The following AGBL4 variants were observed in gnomAD, a reference collection of about 807,000 sequenced individuals.
The protein encoded by AGBL4 is AGBL carboxypeptidase 4, also known as cytosolic carboxypeptidase 6.
In AGBL4, 58 loss-of-function variants were observed where a neutral mutation model predicts 66.4. The ratio of observed to expected loss-of-function variants is 0.87; its 90% CI spans 0.71 to 1.09. The LOEUF is 1.09. Among genes scored for constraint, AGBL4 ranks in the 50% least tolerant of loss-of-function variants. The pLI is 0.00. For synonymous variants in AGBL4, 234 were observed against 222.9 expected, an observed-to-expected ratio of 1.05 and a Z score of -0.44; for missense variants, 579 against 631.0, an observed-to-expected ratio of 0.92 and a Z score of 0.88.
At chr1:49,886,126 T>C (rs1648010771) in intron 1 of AGBL4, among the ~76,000 whole-genome samples, 1 of 152,182 alleles carries the variant, frequency 6.6e-6, no homozygotes, top group South Asian at 2.1e-4. Flanking sequence ...CACCTTTTTC[T>C]ATTTTGTATT....
intron 1 of AGBL4, among the ~76,000 whole-genome samples, chr1:49,877,054 T>G (rs535754112): frequency 6.6e-6 from 1 of 151,762 alleles, no homozygotes; most frequent in Non-Finnish European, 1.5e-5. Flanking sequence ...TAAGGAGATT[T>G]TGGGCTGAGA....
chr1:49,018,645 C>A (rs914904774), intron 5 of AGBL4, among the ~76,000 whole-genome samples: 1 of 152,158 alleles, frequency 6.6e-6, no homozygotes, highest in Non-Finnish European at 1.5e-5. Flanking sequence ...TCCTTATAAT[C>A]CCCTTCTTTA....
chr1:48,595,178 G>A (rs1029740086), intron 9 of AGBL4, among the ~76,000 whole-genome samples: 2 of 152,070 alleles, frequency 1.3e-5, no homozygotes, highest in African/African-American at 2.4e-5. Flanking sequence ...ATAATTCAAG[G>A]TACAGATCTC....
intron 3 of AGBL4, among the ~76,000 whole-genome samples, chr1:49,375,101 T>C (rs757740150): frequency 2.6e-5 from 4 of 152,180 alleles, no homozygotes; most frequent in Non-Finnish European, 5.9e-5. Context: ...GCATAGGCTA[T>C]TTCCATGGCC....
intron 6 of AGBL4, among the ~76,000 whole-genome samples, chr1:48,818,813 G>A (rs1646246523): frequency 6.6e-6 from 1 of 152,116 alleles, no homozygotes; most frequent in African/African-American, 2.4e-5. Context: ...AACGGTGATA[G>A]TTTTTGAGCA....
intron 6 of AGBL4, among the ~76,000 whole-genome samples, chr1:48,846,313 C>T (rs12133001): frequency 1.4e-4 from 18 of 129,284 alleles, no homozygotes; most frequent in African/African-American, 5.9e-4. Flanking sequence ...GATAGATAGA[C>T]AGATAGATAG....
At chr1:49,885,072 A>G (rs1292051998) in intron 1 of AGBL4, among the ~76,000 whole-genome samples, 1 of 151,976 alleles carries the variant, frequency 6.6e-6, no homozygotes, top group Admixed American at 6.6e-5. Flanking sequence ...AGCAGTTCAT[A>G]TTGGTCAAAG....
At chr1:49,440,406 C>A (rs1646000980) in intron 3 of AGBL4, among the ~76,000 whole-genome samples, 1 of 152,038 alleles carries the variant, frequency 6.6e-6, no homozygotes, top group African/African-American at 2.4e-5. Context: ...CACTGATAGT[C>A]CTTGGCGTGA....
chr1:49,243,034 T>C (rs978955116), intron 4 of AGBL4, among the ~76,000 whole-genome samples: 15 of 150,178 alleles, frequency 1.0e-4, no homozygotes, highest in Non-Finnish European at 1.6e-4. Context: ...TATATATATA[T>C]ACACACACAT....
intron 8 of AGBL4, among the ~76,000 whole-genome samples, chr1:48,640,671 G>A (rs1645740392): frequency 6.6e-6 from 1 of 152,166 alleles, no homozygotes; most frequent in African/African-American, 2.4e-5. Context: ...AGGTCTTGTT[G>A]ATGGCAGGAT....
At chr1:49,060,248 TTA>T (rs1644379373) in intron 4 of AGBL4, among the ~76,000 whole-genome samples, 1 of 152,130 alleles carries the variant, frequency 6.6e-6, no homozygotes, top group South Asian at 2.1e-4. Context: ...AGTGATGGTC[TTA>T]TAAGGCACTT....
rs182455338 is a variant in AGBL4 at position 48,807,407 on chromosome 1, A to C, written c.634+59784T>G. ...GGCTGAGGTGATGCAAATTAAGAAG[A>C]ACAAAACTCCCACAAGGCTCAGGGA... On this transcript the variant is annotated intron_variant, in intron 6 of 13. Coordinates refer to ENST00000371839, the MANE Select transcript of AGBL4 (RefSeq NM_032785.4). Among the ~76,000 whole-genome samples the C allele has an allele frequency of 1.3e-4, 20 of 152,374 alleles. 1 individual carries two copies. The East Asian group carries it at 2.5e-3, about 19-fold the overall frequency.
intron 5 of AGBL4, among the ~76,000 whole-genome samples, chr1:48,868,556 T>C (rs1382815008): frequency 2.0e-5 from 3 of 152,162 alleles, no homozygotes; most frequent in African/African-American, 4.8e-5. Context: ...GTCCAAAATA[T>C]GGCAATGAAT....
At chr1:49,813,458 C>A (rs1300734952) in intron 2 of AGBL4, among the ~76,000 whole-genome samples, 1 of 152,102 alleles carries the variant, frequency 6.6e-6, no homozygotes, top group African/African-American at 2.4e-5. Context: ...CCTCTATTCT[C>A]AGCCCTCGTC....
chr1:48,929,982 T>G (rs1324369251), intron 5 of AGBL4, among the ~76,000 whole-genome samples: 1 of 152,144 alleles, frequency 6.6e-6, no homozygotes, highest in African/African-American at 2.4e-5. Flanking sequence ...GCAGGACTTG[T>G]CTCCTGCCAA....
chr1:49,683,810 T>C (rs1412090267), intron 3 of AGBL4, among the ~76,000 whole-genome samples: 1 of 152,172 alleles, frequency 6.6e-6, no homozygotes, highest in Non-Finnish European at 1.5e-5. Flanking sequence ...CAGCAAATGG[T>C]ACAATAAGTT....
chr1:49,665,287 T>C (rs931560466), intron 3 of AGBL4, among the ~76,000 whole-genome samples: 1 of 151,742 alleles, frequency 6.6e-6, no homozygotes, highest in Admixed American at 6.6e-5. Flanking sequence ...AAATGGCCTG[T>C]TTTTTTTGTT....
At chr1:49,176,297 A>G (rs535762092) in intron 4 of AGBL4, among the ~76,000 whole-genome samples, 10 of 152,298 alleles carry the variant, frequency 6.6e-5, no homozygotes, top group African/African-American at 2.4e-4. Context: ...TAAGGTAGGT[A>G]AAAAGAAGTG....
intron 1 of AGBL4, among the ~76,000 whole-genome samples, chr1:49,963,528 C>T (rs1402926386): frequency 1.3e-5 from 2 of 152,160 alleles, no homozygotes; most frequent in Non-Finnish European, 2.9e-5. Flanking sequence ...ATTAATTCAG[C>T]TTTGGTTTCA....
Sources: gnomAD v4.1 joint callset for allele counts (sites outside exome capture counted in the v4.1 genomes callset) on GRCh38, gnomAD v4.1.1 for gene constraint, MANE v1.5 for transcripts, NCBI Gene and HGNC (gene_info 2026-07-23, HGNC 2026-07-21) for gene names.